The following ITIH4 variants were observed in gnomAD, a reference collection of about 807,000 sequenced individuals.
ITIH4 encodes the protein inter-alpha-trypsin inhibitor heavy chain H4.
ITIH4 carries 79 observed loss-of-function variants against 111.8 expected under a neutral mutation model. The observed-to-expected ratio is 0.71, with a 90% CI of 0.59 to 0.85. The LOEUF (loss-of-function observed/expected upper bound fraction) is 0.85. Ranked by LOEUF, ITIH4 falls within the 40% of genes least tolerant of loss-of-function variation. The probability of loss-of-function intolerance (pLI) is 0.00; values close to 1 mark genes in which losing one functional copy is unlikely to be tolerated. For missense variants in ITIH4, 1,065 were observed against 1,195.8 expected (o/e 0.89, Z 1.61); for synonymous variants, 472 against 468.3 (o/e 1.01, Z -0.10).
intron 17 of ITIH4, chr3:52,819,116 A>G: frequency 4.7e-6 from 2 of 429,700 alleles, no homozygotes; most frequent in Non-Finnish European, 4.3e-6. Context: ...GACCCGGGTG[A>G]GCTCGCATCT....
rs1170974867 is a variant in ITIH4 at position 52,820,468 on chromosome 3, G to A, written c.1835-151C>T. On this transcript the variant is annotated intron_variant, in intron 13 of 23. Coordinates refer to ENST00000266041, the MANE Select transcript of ITIH4 (RefSeq NM_002218.5). ...AGGTGCAATGAATTTGGGGAGACAG[G>A]AGACCCGGCTTCACTTTCCTCATCA... is the stretch of plus-strand genomic sequence containing the variant. 3 of 1,161,140 alleles carry A rather than the reference G, an allele frequency of 2.6e-6. 1 individual carries two copies. Among genetic ancestry groups the A allele is most frequent in the Admixed American group, 4.6e-5 (2 of 43,448 alleles). The allele number at this position is 1,161,140 out of a possible 1,614,324, so 71.9% of individuals were successfully genotyped here. A position where few individuals can be genotyped will look rare whatever the true frequency, so the allele number is the denominator to read the frequency against.
rs778998147 is a variant in ITIH4, at chr3:52,825,923, T to C, written c.722A>G (p.Tyr241Cys). 49 of 1,614,002 alleles carry C rather than the reference T, an allele frequency of 3.0e-5. No homozygotes were observed. The highest frequency in any genetic ancestry group is 4.0e-5 in the Non-Finnish European group (47 of 1,179,994). ...CCCGGAGATGGCCCGGTCCACATCA[T>C]AGCGGATAATGAGGTTGCCGTCCAG... ...TVLDGNLIIR[Y>C]DVDRAISGGS... Residue 241 changes from tyrosine (Y) to cysteine (C), a missense_variant, in exon 6 of 24, where the codon TAT becomes TGT. Transcript: ENST00000266041.
Position 52,829,221 on chromosome 3 carries a change from TGG to T in ITIH4, c.147_148del (p.Thr51GlyfsTer9). 6.2e-7 allele frequency: 1 copy of T among 1,613,712 alleles called. No homozygotes were observed. Among genetic ancestry groups the T allele is most frequent in the South Asian group, 1.1e-5 (1 of 91,074 alleles). On this transcript the variant is annotated frameshift_variant, in exon 2 of 24. Transcript: ENST00000266041. LOFTEE classifies it high-confidence loss of function. ...GACCACTCGGCTGGTGACGACCGTG[TGG>T]GCAAATCGGGATGAGACCCTGGAGT... is the stretch of plus-strand genomic sequence containing the variant.
rs750721448 is a variant in ITIH4 at position 52,823,657 on chromosome 3, T to A, written c.1438A>T (p.Asn480Tyr). Residue 480 changes from asparagine to tyrosine, a missense_variant, in exon 11 of 24, where the codon AAC becomes TAC. Transcript: ENST00000266041. ...PSNAVEEVTQ[N>Y]NFRLLFKGSE... The stretch of plus-strand genomic sequence containing the variant: ...CCCTTGAAGAGGAGCCGGAAGTTGT[T>A]CTGAGTGACCTCCTCCACGGCATTG... 14 of 1,614,180 alleles carry A rather than the reference T, an allele frequency of 8.7e-6. No individual in the cohort carries two copies. The highest frequency in any genetic ancestry group is 1.6e-4 in the Middle Eastern group (1 of 6,062).
At chr3:52,828,213 C>T (rs1344063894) in intron 2 of ITIH4, among the ~76,000 whole-genome samples, 1 of 152,236 alleles carries the variant, frequency 6.6e-6, no homozygotes, top group Non-Finnish European at 1.5e-5. Flanking sequence ...GTCTTGGGCT[C>T]TCAGCAGATG....
At chr3:52,826,512 C>T in intron 5 of ITIH4, 29 bp downstream of exon 5, 3 of 1,552,014 alleles carry the variant, frequency 1.9e-6, no homozygotes, top group Non-Finnish European at 2.7e-6. Flanking sequence ...GCCCTTGGTA[C>T]CCTCACCTGC....
At chr3:52,821,273 T>G (rs937684793) in intron 11 of ITIH4, 143 bp from the exon 12 acceptor site, 2 of 961,250 alleles carry the variant, frequency 2.1e-6, no homozygotes, top group Non-Finnish European at 3.1e-6. Flanking sequence ...TGAGTGGGGG[T>G]AAGGAGGGGG....
chr3:52,814,347 C>G lies in ITIH4; in HGVS notation c.2488G>C (p.Asp830His), dbSNP rs769838238. 1 of 1,614,028 alleles carries G rather than the reference C, an allele frequency of 6.2e-7. No individual in the cohort carries two copies. Among genetic ancestry groups the G allele is most frequent in the South Asian group, 1.1e-5 (1 of 91,062 alleles). ...CTGAGCAGCAGGAGACCCGTCTTGTCCATGGTCATCTTCAGGCTGTGGAAA... is the reference window on the plus strand; with the variant it reads ...CTGAGCAGCAGGAGACCCGTCTTGTGCATGGTCATCTTCAGGCTGTGGAAA... ...SVMPGLKMTMDKTGLLLLSDP... is the reference protein window; with the variant it reads ...SVMPGLKMTMHKTGLLLLSDP... The change falls in exon 22 of 24, where the codon GAC becomes CAC. Residue 830 changes from aspartate to histidine, a missense_variant. Coordinates refer to ENST00000266041, the MANE Select transcript of ITIH4 (RefSeq NM_002218.5).
At position 52,817,585 on chromosome 3, in the gene ITIH4, GGC is replaced by G. The variant is rs1412045420; in HGVS notation, c.2296+465_2296+466del. ...CCCATGTCTGGTCCAGGATTGAAGG[GGC>G]AGGGCCCAGCCAGCACCCCTGTCTC... On this transcript the variant is annotated intron_variant, in intron 20 of 23. Coordinates refer to ENST00000266041, the MANE Select transcript of ITIH4 (RefSeq NM_002218.5). Among the ~76,000 whole-genome samples, 522 of 152,254 alleles carry G rather than the reference GGC, an allele frequency of 3.4e-3. 4 individuals carry two copies. The highest frequency in any genetic ancestry group is 6.1e-3 in the Non-Finnish European group (412 of 68,000).
At position 52,819,536 on chromosome 3, in the gene ITIH4, G is replaced by A; in HGVS notation, c.1952-18C>T. 6.2e-7 allele frequency: 1 copy of A among 1,614,014 alleles called. No homozygotes were observed. Among genetic ancestry groups the A allele is most frequent in the Non-Finnish European group, 8.5e-7 (1 of 1,179,962 alleles). Reference sequence around the variant, plus strand: ...AGCTCCAGCTTTGGAGAAATCGACAGATGCAGTCTTCTCTCAGGTGGGGTG... The same window carrying A: ...AGCTCCAGCTTTGGAGAAATCGACAAATGCAGTCTTCTCTCAGGTGGGGTG... On this transcript the variant is annotated intron_variant, in intron 16 of 23. Transcript: ENST00000266041.
chr3:52,818,553 C>T lies in ITIH4; in HGVS notation c.2078-17G>A, dbSNP rs759997583. The T allele has an allele frequency of 2.2e-5, 35 of 1,588,668 alleles. No individual in the cohort carries two copies. The highest frequency in any genetic ancestry group is 2.7e-5 in the Non-Finnish European group (31 of 1,167,242). ...AAGCAGGCACTAGGGCAGGAACATC[C>T]GGAAACAGAAAGGGAGCAGGAAGGC... On this transcript the variant is annotated splice_polypyrimidine_tract_variant and intron_variant, in intron 17 of 23. Coordinates refer to ENST00000266041, the MANE Select transcript of ITIH4 (RefSeq NM_002218.5).
At position 52,824,239 on chromosome 3, in the gene ITIH4, T is replaced by C. The variant is rs1290836007; in HGVS notation, c.1122A>G (p.Glu374=). Residue 374 remains glutamate (E), a synonymous_variant, in exon 9 of 24, where the codon GAA becomes GAG. Coordinates refer to ENST00000266041, the MANE Select transcript of ITIH4 (RefSeq NM_002218.5). This position sits in a 1 kb window ranked among gnomAD's most constrained non-coding sequence, Gnocchi z 4.3. ...DSSNQEERLP[E]GSVSLIILLT... ...GCAGGATGATGAGTGAGACACTCCC[T>C]TCGGGCAGCCGCTCCTCCTGGTTGC... 11 of 1,613,446 alleles carry C rather than the reference T, an allele frequency of 6.8e-6. No homozygotes were observed. Among genetic ancestry groups the C allele is most frequent in the Non-Finnish European group, 7.6e-6 (9 of 1,180,004 alleles).
chr3:52,815,253 T>C (rs964582589), intron 21 of ITIH4, among the ~76,000 whole-genome samples: 2 of 151,400 alleles, frequency 1.3e-5, no homozygotes, highest in Non-Finnish European at 2.9e-5. Flanking sequence ...TTTCTTTTTT[T>C]TTTTTTTTGA....
rs189256449 is a variant in ITIH4, at chr3:52,825,034, A to G, written c.760-76T>C. The G allele has an allele frequency of 0.014, 13,945 of 974,424 alleles. 1,553 individuals carry two copies. The South Asian group carries it at 0.2, about 14-fold the overall frequency. The allele number at this position is 974,424 out of a possible 1,614,324, so 60.4% of individuals were successfully genotyped here. A position where few individuals can be genotyped will look rare whatever the true frequency, so the allele number is the denominator to read the frequency against. ...ATCCCCATTCAGCCCCTTTACCCCA[A>G]ATTCTGGGTTTCTGTGCTCTGTTCC... On this transcript the variant is annotated intron_variant, in intron 6 of 23. Coordinates refer to ENST00000266041, the MANE Select transcript of ITIH4 (RefSeq NM_002218.5).
intron 6 of ITIH4, 105 bp downstream of exon 6, chr3:52,825,781 T>C (rs889726394): frequency 1.2e-5 from 16 of 1,320,328 alleles, no homozygotes; most frequent in Non-Finnish European, 1.4e-5. Flanking sequence ...TGGTGCACAC[T>C]GCTAAGTAAG....
At position 52,824,463 on chromosome 3, in the gene ITIH4, C is replaced by A. The variant is rs1343545265; in HGVS notation, c.979G>T (p.Val327Leu). Residue 327 changes from valine to leucine, a missense_variant, in exon 8 of 24, where the codon GTG (valine) becomes TTG (leucine). Physicochemically the swap from Val to Leu is conservative, Grantham distance 32 (BLOSUM62 1). Coordinates refer to ENST00000266041, the MANE Select transcript of ITIH4 (RefSeq NM_002218.5). This position sits in a 1 kb window ranked among gnomAD's most constrained non-coding sequence, Gnocchi z 4.3. ...TEATQWRPSLVPASAENVNKA... is the reference protein window; with the variant it reads ...TEATQWRPSLLPASAENVNKA... ...TTCACGTTCTCGGCTGAGGCTGGCA[C>A]CAGTGATGGCCTCCACTGAGTTGCT... 3.7e-6 allele frequency: 6 copies of A among 1,614,182 alleles called. No individual in the cohort carries two copies. In the East Asian group the frequency reaches 6.7e-5, roughly 18 times the overall value.
chr3:52,815,275 G>A (rs1182026644), intron 21 of ITIH4, among the ~76,000 whole-genome samples: 27 of 143,518 alleles, frequency 1.9e-4, no homozygotes, highest in African/African-American at 6.3e-4. Context: ...ACGGAGTCTC[G>A]CTCTGTCGCC....
intron 13 of ITIH4, 120 bp from the exon 14 acceptor site, chr3:52,820,437 T>C: frequency 4.9e-6 from 6 of 1,223,350 alleles, no homozygotes; most frequent in Non-Finnish European, 7.0e-6. Flanking sequence ...TCCTGGACTA[T>C]ATCGTAGGTG....
intron 1 of ITIH4, 191 bp downstream of exon 1, chr3:52,830,362 C>T (rs1020981721): frequency 4.4e-6 from 3 of 689,344 alleles, no homozygotes; most frequent in Middle Eastern, 2.3e-4. Flanking sequence ...TGGATCATCC[C>T]CTCTATTAGG....
Sources: allele counts gnomAD v4.1 joint callset (sites outside exome capture counted in the v4.1 genomes callset), GRCh38; gene constraint gnomAD v4.1.1; non-coding constraint Gnocchi (gnomAD v3.1); transcripts MANE v1.5; gene names NCBI Gene and HGNC (gene_info 2026-07-23, HGNC 2026-07-21).